NUDT19: variants seen among roughly 807,000 people sequenced by gnomAD.
NUDT19 encodes acyl-coenzyme A diphosphatase NUDT19.
NUDT19 carries 31 observed loss-of-function variants against 22.2 expected under a neutral mutation model. That is an observed-to-expected ratio of 1.40 (90% CI 1.05 to 1.89). The LOEUF is 1.89. NUDT19 is among the 40% of genes most tolerant of loss of function. The pLI is 0.00. For synonymous variants in NUDT19, 325 were observed against 230.8 expected (o/e 1.41, Z -3.70); for missense variants, 752 against 514.2 (o/e 1.46, Z -4.47).
Position 32,692,228 on chromosome 19 carries a change from G to C in NUDT19, c.268G>C (p.Gly90Arg), listed in dbSNP as rs556441813. The change falls in exon 1 of 3, where the codon GGC becomes CGC. Residue 90 changes from glycine (G) to arginine (R), a missense_variant. Gly to Arg is a moderately radical substitution (Grantham distance 125). Transcript: ENST00000397061. ...GCCGCACCACGGGCCGCCGCGCTTC[G>C]GCCTGGGCCCGGCGCCATTCAGCCG... The part of the protein sequence containing the change: ...FAPHHGPPRF[G>R]LGPAPFSRTA... The C allele has an allele frequency of 4.9e-5, 77 of 1,585,274 alleles. No individual in the cohort carries two copies. Among genetic ancestry groups the C allele is most frequent in the Non-Finnish European group, 6.1e-5 (72 of 1,174,650 alleles).
At chr19:32,693,410 T>C (rs1409493918) in intron 1 of NUDT19, among the ~76,000 whole-genome samples, 1 of 152,188 alleles carries the variant, frequency 6.6e-6, no homozygotes, top group Non-Finnish European at 1.5e-5. Context: ...TGCAGACATT[T>C]GTGGTCAGTG....
chr19:32,692,516 G>T lies in NUDT19; in HGVS notation c.556G>T (p.Asp186Tyr). The change falls in exon 1 of 3, where the codon GAC becomes TAC. Residue 186 changes from aspartate (D) to tyrosine (Y), a missense_variant. Asp to Tyr is a radical substitution (Grantham distance 160, BLOSUM62 -3). Transcript: ENST00000397061. ...RHFLRLCAHL[D>Y]CTPDIWALHN... is the part of the protein sequence containing the mutation. ...CTTCCTGCGGCTGTGCGCCCACCTC[G>T]ACTGCACACCCGACATCTGGGCGCT... 2 of 1,571,658 alleles carry T rather than the reference G, an allele frequency of 1.3e-6. No homozygotes were observed. The highest frequency in any genetic ancestry group is 1.2e-5 in the South Asian group (1 of 86,160).
At position 32,701,972 on chromosome 19, in the gene NUDT19, G is replaced by A. The variant is rs184648025; in HGVS notation, c.715-7213G>A. 2.7e-4 allele frequency among the ~76,000 whole-genome samples: 41 copies of A among 152,286 alleles called. No homozygotes were observed. In the South Asian group the frequency reaches 3.1e-3, roughly 12 times the overall value. ...TTTGAGACCAGCCCAGCAACATAGC[G>A]AAACCCCATCTATATTAAAAATACA... On this transcript the variant is annotated intron_variant, in intron 1 of 2. Coordinates refer to ENST00000397061, the MANE Select transcript of NUDT19 (RefSeq NM_001105570.2).
At chr19:32,705,573 C>G (rs898431646) in intron 1 of NUDT19, among the ~76,000 whole-genome samples, 1 of 148,178 alleles carries the variant, frequency 6.7e-6, no homozygotes, top group Non-Finnish European at 1.5e-5. Context: ...TATTCTAGAG[C>G]TAATTTAGCT....
Position 32,692,265 on chromosome 19 carries a change from C to G in NUDT19, c.305C>G (p.Pro102Arg), listed in dbSNP as rs745837095. Residue 102 changes from proline (P) to arginine (R), a missense_variant, in exon 1 of 3, where the codon CCG (proline) becomes CGG (arginine). Physicochemically the swap from Pro to Arg is moderately radical, Grantham distance 103. Coordinates refer to ENST00000397061, the MANE Select transcript of NUDT19 (RefSeq NM_001105570.2). ...GPAPFSRTAF[P>R]SLPDTDDHKT... ...GCGCCATTCAGCCGCACCGCTTTCC[C>G]GTCGCTGCCCGACACCGATGACCAC... The G allele has an allele frequency of 6.3e-7, 1 of 1,592,354 alleles. No homozygotes were observed. The highest frequency in any genetic ancestry group is 1.1e-5 in the South Asian group (1 of 90,362).
Position 32,692,249 on chromosome 19 carries a change from A to T in NUDT19, c.289A>T (p.Ser97Cys), listed in dbSNP as rs199518818. Reference sequence around the variant, plus strand: ...CTTCGGCCTGGGCCCGGCGCCATTCAGCCGCACCGCTTTCCCGTCGCTGCC... The same window carrying T: ...CTTCGGCCTGGGCCCGGCGCCATTCTGCCGCACCGCTTTCCCGTCGCTGCC... ...PRFGLGPAPF[S>C]RTAFPSLPDT... is the part of the protein sequence containing the mutation. The change falls in exon 1 of 3, where the codon AGC becomes TGC. Residue 97 changes from serine to cysteine, a missense_variant. Transcript: ENST00000397061. The T allele has an allele frequency of 6.3e-7, 1 of 1,591,500 alleles. No homozygotes were observed. Among genetic ancestry groups the T allele is most frequent in the South Asian group, 1.1e-5 (1 of 90,326 alleles).
In NUDT19 at chr19:32,692,185, C is replaced by T; in HGVS notation, c.225C>T (p.Asp75=). Residue 75 remains aspartate (D), a synonymous_variant, in exon 1 of 3, where the codon GAC becomes GAT. Transcript: ENST00000397061. Reference sequence around the variant, plus strand: ...TGGATGCGGCCGACCGCTCGGCGGACTGGCTGGGCCTCTTCGCGCCGCACC... The same window carrying T: ...TGGATGCGGCCGACCGCTCGGCGGATTGGCTGGGCCTCTTCGCGCCGCACC... ...GVLDAADRSA[D]WLGLFAPHHG... 20 of 1,548,326 alleles carry T rather than the reference C, an allele frequency of 1.3e-5. No homozygotes were observed. Among genetic ancestry groups the T allele is most frequent in the Non-Finnish European group, 1.7e-5 (20 of 1,159,314 alleles).
chr19:32,710,621 C>T (rs150877358), intron 2 of NUDT19, among the ~76,000 whole-genome samples: 100 of 151,580 alleles, frequency 6.6e-4, no homozygotes, highest in Admixed American at 1.4e-3. Flanking sequence ...AGGCTGGGCG[C>T]GGTGGCTCAC....
intron 1 of NUDT19, among the ~76,000 whole-genome samples, chr19:32,694,413 T>C (rs974720603): frequency 6.6e-6 from 1 of 152,196 alleles, no homozygotes; most frequent in African/African-American, 2.4e-5. Flanking sequence ...CTATTTGGGA[T>C]TGTAGTTACT....
intron 1 of NUDT19, among the ~76,000 whole-genome samples, chr19:32,698,725 C>A (rs146302610): frequency 0.011 from 1,664 of 152,290 alleles, 39 homozygotes; most frequent in African/African-American, 0.038. Context: ...GGTCAGATTT[C>A]GTGGCCCTTA....
chr19:32,708,284 G>A (rs1334209242), intron 1 of NUDT19, among the ~76,000 whole-genome samples: 7 of 151,510 alleles, frequency 4.6e-5, no homozygotes, highest in East Asian at 2.0e-4. Context: ...AAAATTAGCC[G>A]GGTGTGGTGG....
chr19:32,711,373 G>C (rs1347866920), intron 2 of NUDT19, among the ~76,000 whole-genome samples: 1 of 152,074 alleles, frequency 6.6e-6, no homozygotes, highest in Admixed American at 6.6e-5. Flanking sequence ...TGAGGCATGA[G>C]AATTGCTTGA....
In NUDT19 at chr19:32,692,252, C is replaced by G; in HGVS notation, c.292C>G (p.Arg98Gly). The change falls in exon 1 of 3, where the codon CGC becomes GGC. Residue 98 changes from arginine to glycine, a missense_variant. Coordinates refer to ENST00000397061, the MANE Select transcript of NUDT19 (RefSeq NM_001105570.2). Reference sequence around the variant, plus strand: ...CGGCCTGGGCCCGGCGCCATTCAGCCGCACCGCTTTCCCGTCGCTGCCCGA... The same window carrying G: ...CGGCCTGGGCCCGGCGCCATTCAGCGGCACCGCTTTCCCGTCGCTGCCCGA... Reference protein sequence around the residue: ...RFGLGPAPFSRTAFPSLPDTD... With the variant: ...RFGLGPAPFSGTAFPSLPDTD... The G allele has an allele frequency of 6.3e-7, 1 of 1,592,174 alleles. No individual in the cohort carries two copies. Among genetic ancestry groups the G allele is most frequent in the Non-Finnish European group, 8.5e-7 (1 of 1,177,492 alleles).
chr19:32,693,495 A>G (rs1350109820), intron 1 of NUDT19, among the ~76,000 whole-genome samples: 1 of 150,550 alleles, frequency 6.6e-6, no homozygotes, highest in Admixed American at 6.6e-5. Flanking sequence ...AAAAGAACAA[A>G]CCTCCCACAG....
intron 1 of NUDT19, among the ~76,000 whole-genome samples, chr19:32,697,429 G>A (rs576320483): frequency 2.0e-5 from 3 of 152,254 alleles, no homozygotes; most frequent in Non-Finnish European, 4.4e-5. Flanking sequence ...GTAGCTGCTC[G>A]TGGAAGGCAG....
rs11671643 is a variant in NUDT19 at position 32,694,923 on chromosome 19, C to G, written c.714+2249C>G. 8.6e-3 allele frequency among the ~76,000 whole-genome samples: 1,314 copies of G among 152,306 alleles called. 43 individuals carry two copies. The East Asian group carries it at 0.1, about 12-fold the overall frequency. ...ATCACGTACTGAGTACCCATTGTGT[C>G]TTTTTCCTTAATCGCCCAGGAGGAA... On this transcript the variant is annotated intron_variant, in intron 1 of 2. Transcript: ENST00000397061.
intron 1 of NUDT19, among the ~76,000 whole-genome samples, chr19:32,699,820 G>A (rs1424990808): frequency 1.3e-5 from 2 of 152,314 alleles, no homozygotes; most frequent in Non-Finnish European, 2.9e-5. Flanking sequence ...AGTTCTTAAA[G>A]ATGGTGTGTC....
At chr19:32,698,502 C>T (rs1349307643) in intron 1 of NUDT19, among the ~76,000 whole-genome samples, 1 of 151,510 alleles carries the variant, frequency 6.6e-6, no homozygotes, top group Non-Finnish European at 1.5e-5. Flanking sequence ...TTGTGCTCAC[C>T]AATGCAGCAG....
At chr19:32,693,335 G>A (rs185703215) in intron 1 of NUDT19, among the ~76,000 whole-genome samples, 3 of 152,184 alleles carry the variant, frequency 2.0e-5, no homozygotes, top group Admixed American at 6.5e-5. Context: ...TCTTAAAGGT[G>A]GTGCGTCAGG....
Sources: allele counts gnomAD v4.1 joint callset (sites outside exome capture counted in the v4.1 genomes callset), GRCh38; gene constraint gnomAD v4.1.1; transcripts MANE v1.5; gene names NCBI Gene and HGNC (gene_info 2026-07-23, HGNC 2026-07-21).